TCAF1: variants seen among roughly 807,000 people sequenced by gnomAD.
TCAF1 encodes TRPM8 channel-associated factor 1.
A neutral mutation model predicts 27.3 loss-of-function variants in TCAF1; 4 were observed. That is an observed-to-expected ratio of 0.15 (90% confidence interval 0.07 to 0.34). The LOEUF (loss-of-function observed/expected upper bound fraction) is 0.34, where lower values mean the gene tolerates loss of function less well. TCAF1 is among the 10% of genes least tolerant of loss of function. The probability of loss-of-function intolerance (pLI) is 1.00; values close to 1 mark genes in which losing one functional copy is unlikely to be tolerated. For missense variants in TCAF1, 257 were observed against 425.8 expected, an observed-to-expected ratio of 0.60 and a Z score of 3.49; for synonymous variants, 105 against 167.1, an observed-to-expected ratio of 0.63 and a Z score of 2.87.
intron 1 of TCAF1, among the ~76,000 whole-genome samples, chr7:143,890,908 G>A (rs951088764): frequency 2.0e-5 from 3 of 152,222 alleles, no homozygotes; most frequent in African/African-American, 7.2e-5. Context: ...GAGCTAAACA[G>A]TTGAGCAGTC....
intron 1 of TCAF1, among the ~76,000 whole-genome samples, chr7:143,877,941 T>C (rs1416156639): frequency 1.3e-5 from 2 of 152,218 alleles, no homozygotes; most frequent in African/African-American, 2.4e-5. Flanking sequence ...TGTCAGATAA[T>C]ATGCTCACTC....
intron 1 of TCAF1, among the ~76,000 whole-genome samples, chr7:143,894,965 G>C (rs986237199): frequency 7.3e-5 from 11 of 151,510 alleles, no homozygotes; most frequent in Non-Finnish European, 1.6e-4. Context: ...TGGCCAATAA[G>C]CATACAAAAA....
At chr7:143,886,057 C>T (rs181293811) in intron 1 of TCAF1, among the ~76,000 whole-genome samples, 43 of 152,332 alleles carry the variant, frequency 2.8e-4, no homozygotes, top group African/African-American at 9.9e-4. Flanking sequence ...GAACACGAGA[C>T]TTGACCATGG....
chr7:143,874,630 C>CAGTA (rs1405395750), intron 2 of TCAF1, among the ~76,000 whole-genome samples: 2 of 150,910 alleles, frequency 1.3e-5, no homozygotes, highest in African/African-American at 2.4e-5. Flanking sequence ...CTACAAGGGA[C>CAGTA]AGTAGGAGCT....
intron 1 of TCAF1, chr7:143,882,041 C>G (rs1330933614): frequency 6.6e-6 from 1 of 152,236 alleles, no homozygotes; most frequent in Non-Finnish European, 1.5e-5. Flanking sequence ...GCTGTCAGCA[C>G]TCAGCTTGGA....
chr7:143,890,445 AT>A (rs61089338), intron 1 of TCAF1, among the ~76,000 whole-genome samples: 1 of 152,190 alleles, frequency 6.6e-6, no homozygotes, highest in South Asian at 2.1e-4. Context: ...TTTTCAAAAA[AT>A]TTTTAATTCC....
At position 143,882,737 on chromosome 7, in the gene TCAF1, AG is replaced by A. The variant is rs1402310136; in HGVS notation, c.-14-6116del. 4 of 982,740 alleles carry A rather than the reference AG, an allele frequency of 4.1e-6. No individual in the cohort carries two copies. In the African/African-American group the frequency reaches 7.1e-5, roughly 17 times the overall value. 60.9% of individuals were successfully genotyped at this position (982,740 alleles called of 1,614,324 possible). A position where few individuals can be genotyped will look rare whatever the true frequency, so the allele number is the denominator to read the frequency against. ...AGGCTTTTGGAGAGGGCCACTCACC[AG>A]GTCACCCTGCGATTTCCACGGGGGC... is the stretch of plus-strand genomic sequence containing the variant. On this transcript the variant is annotated intron_variant, in intron 1 of 8. Transcript: ENST00000479870.
Position 143,876,389 on chromosome 7 carries a change from T to C in TCAF1, c.220A>G (p.Thr74Ala). The change falls in exon 2 of 9, where the codon ACG becomes GCG. Residue 74 changes from threonine (T) to alanine (A), a missense_variant. This residue lies in a region of TCAF1 where 255 missense variants were observed against 260.1 expected (regional missense o/e 0.98). Transcript: ENST00000479870. ...HEDYLVEAQL[T>A]PFLLNAVGWL... ...CCCACTGCGTTCAGGAGAAAGGGCG[T>C]GAGCTGGGCTTCCACCAAGTAGTCC... is the stretch of plus-strand genomic sequence containing the variant. 1 of 1,614,026 alleles carries C rather than the reference T, an allele frequency of 6.2e-7. No individual in the cohort carries two copies. The highest frequency in any genetic ancestry group is 8.5e-7 in the Non-Finnish European group (1 of 1,179,972).
chr7:143,869,226 CA>C (rs1812320824), intron 2 of TCAF1, among the ~76,000 whole-genome samples: 1 of 151,244 alleles, frequency 6.6e-6, no homozygotes, highest in South Asian at 2.1e-4. Flanking sequence ...GGTCTCAAAT[CA>C]AACTCCTGAT....
At chr7:143,894,532 AC>A (rs1482001184) in intron 1 of TCAF1, among the ~76,000 whole-genome samples, 2 of 151,800 alleles carry the variant, frequency 1.3e-5, no homozygotes, top group South Asian at 4.1e-4. Flanking sequence ...AAACCAATGA[AC>A]CCTTAACCCA....
At chr7:143,897,275 C>T (rs1220451470) in intron 1 of TCAF1, among the ~76,000 whole-genome samples, 8 of 150,808 alleles carry the variant, frequency 5.3e-5, no homozygotes, top group Non-Finnish European at 1.0e-4. Context: ...GCAACACCAA[C>T]TCCTCCCTTC....
intron 1 of TCAF1, among the ~76,000 whole-genome samples, chr7:143,896,144 AC>A (rs760129490): frequency 5.9e-5 from 9 of 151,906 alleles, no homozygotes; most frequent in African/African-American, 9.7e-5. Context: ...TATATTTAAA[AC>A]AGATTCTGAA....
intron 1 of TCAF1, among the ~76,000 whole-genome samples, chr7:143,891,278 G>A (rs530982233): frequency 6.6e-6 from 1 of 152,026 alleles, no homozygotes; most frequent in Non-Finnish European, 1.5e-5. Flanking sequence ...TAAAAAAACA[G>A]AATAAGTTGC....
At chr7:143,896,579 A>G (rs1173782948) in intron 1 of TCAF1, among the ~76,000 whole-genome samples, 1 of 152,090 alleles carries the variant, frequency 6.6e-6, no homozygotes, top group Non-Finnish European at 1.5e-5. Context: ...CAGCGAATTT[A>G]AAAGAATTGG....
At chr7:143,891,422 A>G (rs1813629989) in intron 1 of TCAF1, among the ~76,000 whole-genome samples, 1 of 152,154 alleles carries the variant, frequency 6.6e-6, no homozygotes, top group African/African-American at 2.4e-5. Flanking sequence ...GCATAGAAAT[A>G]AAACTCATAA....
At chr7:143,893,457 C>T (rs1004921372) in intron 1 of TCAF1, among the ~76,000 whole-genome samples, 1 of 152,002 alleles carries the variant, frequency 6.6e-6, no homozygotes, top group South Asian at 2.1e-4. Context: ...CTACCAACAA[C>T]AGAATATACA....
intron 1 of TCAF1, chr7:143,882,899 G>A (rs1813153503): frequency 2.0e-6 from 2 of 979,784 alleles, no homozygotes; most frequent in Non-Finnish European, 1.2e-6. Context: ...GGGTTTCCAC[G>A]GGAGTCCCCT....
At chr7:143,901,607 A>C (rs1309376114) in intron 1 of TCAF1, among the ~76,000 whole-genome samples, 1 of 152,166 alleles carries the variant, frequency 6.6e-6, no homozygotes, top group Admixed American at 6.5e-5. Context: ...ACCTGGGCTT[A>C]ACGGAGACAA....
rs566905052 is a variant in TCAF1 at position 143,898,811 on chromosome 7, C to T, written c.-15+3150G>A. Among the ~76,000 whole-genome samples the T allele has an allele frequency of 8.5e-5, 13 of 152,174 alleles. No homozygotes were observed. In the South Asian group the frequency reaches 2.3e-3, roughly 27 times the overall value. On this transcript the variant is annotated intron_variant, in intron 1 of 8. Coordinates refer to ENST00000479870, the MANE Select transcript of TCAF1 (RefSeq NM_014719.3). The stretch of plus-strand genomic sequence containing the variant: ...AAAAGCAGGTGTTGGAAACTTAATC[C>T]CCAATGCAATGGTGTTAAGAGGTGG...
Sources: allele counts gnomAD v4.1 joint callset (sites outside exome capture counted in the v4.1 genomes callset), GRCh38; gene constraint gnomAD v4.1.1; regional missense constraint gnomAD v4.1.1; transcripts MANE v1.5; gene names NCBI Gene and HGNC (gene_info 2026-07-23, HGNC 2026-07-21).